SCIN: variants seen among roughly 807,000 people sequenced by gnomAD.
SCIN encodes adseverin.
In SCIN, 91 loss-of-function variants were observed where a neutral mutation model predicts 91.8. The observed-to-expected ratio is 0.99, with a 90% CI of 0.84 to 1.18. The LOEUF (loss-of-function observed/expected upper bound fraction) is 1.18, where lower values mean the gene tolerates loss of function less well. Ranked by LOEUF, SCIN falls within the 50% of genes most tolerant of loss-of-function variation. The pLI is 0.00. For missense variants in SCIN, 1,087 were observed against 863.9 expected, an observed-to-expected ratio of 1.26 and a Z score of -3.24; for synonymous variants, 367 against 312.6, an observed-to-expected ratio of 1.17 and a Z score of -1.84.
rs1042458391 is a variant in SCIN, at chr7:12,655,906, A to G, written c.*3191A>G. The G allele has an allele frequency of 5.3e-5, 8 of 152,174 alleles. No individual in the cohort carries two copies. The highest frequency in any genetic ancestry group is 1.2e-4 in the African/African-American group (5 of 41,434). The allele number at this position is 152,174 out of a possible 1,614,324, so 9.4% of individuals were successfully genotyped here. A position where few individuals can be genotyped will look rare whatever the true frequency, so the allele number is the denominator to read the frequency against. ...AAGAACAGAAAGACCCAGGAAGCCT[A>G]CTGTTAGTAGAGGTCAGCCTCATCT... On this transcript the variant is annotated 3_prime_UTR_variant, in exon 16 of 16. Transcript: ENST00000297029.
At chr7:12,638,706 T>C (rs1783800510) in intron 10 of SCIN, among the ~76,000 whole-genome samples, 1 of 152,186 alleles carries the variant, frequency 6.6e-6, no homozygotes, top group Non-Finnish European at 1.5e-5. Context: ...TTCCAGCTGG[T>C]CTCCTTTCCA....
chr7:12,657,569 TATA>T lies in SCIN; in HGVS notation c.*4855_*4857del, dbSNP rs1398717708. ...ATATATATATATATATATATATATA[TATA>T]TTTTTTTTTTTTTTTTTTTTTTTTT... On this transcript the variant is annotated 3_prime_UTR_variant, in exon 16 of 16. Transcript: ENST00000297029. The T allele has an allele frequency of 1.5e-3, 40 of 25,946 alleles. No individual in the cohort carries two copies. The highest frequency in any genetic ancestry group is 3.0e-3 in the African/African-American group (19 of 6,280). The allele number at this position is 25,946 out of a possible 1,614,324, so 1.6% of individuals were successfully genotyped here.
intron 14 of SCIN, among the ~76,000 whole-genome samples, chr7:12,650,788 C>A (rs1784063656): frequency 6.6e-6 from 1 of 152,056 alleles, no homozygotes; most frequent in African/African-American, 2.4e-5. Flanking sequence ...AACATTATAG[C>A]ATTTGTACCA....
chr7:12,574,346 G>T (rs542656269), intron 1 of SCIN, among the ~76,000 whole-genome samples: 2 of 152,234 alleles, frequency 1.3e-5, no homozygotes, highest in South Asian at 4.1e-4. Context: ...CAAAATTTTA[G>T]ATTTGGCATT....
intron 4 of SCIN, 125 bp from the exon 5 acceptor site, chr7:12,622,676 G>A (rs1783432862): frequency 1.5e-6 from 1 of 676,036 alleles, no homozygotes; most frequent in Non-Finnish European, 2.5e-6. Context: ...GATGAGAAGT[G>A]TTTGAGCCTG....
chr7:12,616,029 A>ATT (rs997919634), intron 4 of SCIN, among the ~76,000 whole-genome samples: 7 of 152,122 alleles, frequency 4.6e-5, no homozygotes, highest in African/African-American at 1.7e-4. Flanking sequence ...CAGTGAAAAA[A>ATT]TACTCCTGGA....
Position 12,626,808 on chromosome 7 carries a change from C to A in SCIN, c.1197+9C>A, listed in dbSNP as rs1172265330. The stretch of plus-strand genomic sequence containing the variant: ...GTTCTGGCAAAGTGGAGGTATTTAC[C>A]TGTTTTTGTTTTTATCAAGCCCATT... On this transcript the variant is annotated intron_variant, in intron 8 of 15. Coordinates refer to ENST00000297029, the MANE Select transcript of SCIN (RefSeq NM_001112706.3). 6.3e-7 allele frequency: 1 copy of A among 1,595,764 alleles called. No individual in the cohort carries two copies. Among genetic ancestry groups the A allele is most frequent in the African/African-American group, 1.3e-5 (1 of 74,590 alleles).
intron 13 of SCIN, among the ~76,000 whole-genome samples, chr7:12,648,797 T>A (rs1365821056): frequency 6.6e-6 from 1 of 152,104 alleles, no homozygotes; most frequent in East Asian, 1.9e-4. Flanking sequence ...AAGGATGAGA[T>A]TTAGAAAATA....
At chr7:12,589,368 T>C (rs1138963) in intron 3 of SCIN, 25,120 of 151,992 alleles carry the variant, frequency 0.17, 2,646 homozygotes, top group African/African-American at 0.29. Context: ...GGAGTACAGC[T>C]GCCGGCCACC....
intron 8 of SCIN, among the ~76,000 whole-genome samples, chr7:12,628,823 T>C: frequency 6.6e-6 from 1 of 152,276 alleles, no homozygotes; most frequent in African/African-American, 2.4e-5. Context: ...GAGTGTCATG[T>C]TATTTCCACT....
chr7:12,608,606 T>C (rs374881205), intron 4 of SCIN, among the ~76,000 whole-genome samples: 4 of 152,136 alleles, frequency 2.6e-5, no homozygotes, highest in East Asian at 3.9e-4. Context: ...GCTTCCCAAG[T>C]AGCTAGGATT....
At chr7:12,617,787 G>T (rs986897940) in intron 4 of SCIN, among the ~76,000 whole-genome samples, 1 of 152,098 alleles carries the variant, frequency 6.6e-6, no homozygotes, top group Non-Finnish European at 1.5e-5. Flanking sequence ...GCTCCAATCA[G>T]AATAAATAAA....
intron 10 of SCIN, among the ~76,000 whole-genome samples, chr7:12,637,836 C>G (rs1043910596): frequency 2.4e-5 from 3 of 125,674 alleles, no homozygotes; most frequent in Admixed American, 1.9e-4. Flanking sequence ...TCTAACTTAT[C>G]TATCTTAGCT....
chr7:12,592,460 T>C (rs11764374), intron 3 of SCIN, among the ~76,000 whole-genome samples: 54,026 of 151,516 alleles, frequency 0.36, 11,123 homozygotes, highest in East Asian at 0.7. Flanking sequence ...TTGAGGAACA[T>C]TGGGAAATTT....
chr7:12,601,295 C>T (rs1562607680), intron 3 of SCIN, among the ~76,000 whole-genome samples: 1 of 152,130 alleles, frequency 6.6e-6, no homozygotes, highest in African/African-American at 2.4e-5. Flanking sequence ...TTTAGTCACT[C>T]AGTAAACCAT....
intron 7 of SCIN, 115 bp from the exon 8 acceptor site, chr7:12,626,469 G>C (rs752027635): frequency 3.5e-4 from 285 of 818,204 alleles, no homozygotes; most frequent in Admixed American, 1.1e-3. Flanking sequence ...ATATGAGCTT[G>C]ATAGCTAAAC....
intron 3 of SCIN, among the ~76,000 whole-genome samples, chr7:12,582,887 C>G (rs1782517104): frequency 6.6e-6 from 1 of 152,186 alleles, no homozygotes; most frequent in Admixed American, 6.5e-5. Flanking sequence ...CAACTTTCAT[C>G]TCCACCACTT....
intron 9 of SCIN, among the ~76,000 whole-genome samples, chr7:12,633,727 GAACT>G (rs112127754): frequency 6.6e-5 from 10 of 152,306 alleles, no homozygotes; most frequent in African/African-American, 2.4e-4. Context: ...CTGGAAGCGA[GAACT>G]CAGGAAACCA....
chr7:12,596,559 C>T, intron 3 of SCIN: 3 of 416,658 alleles, frequency 7.2e-6, no homozygotes, highest in Non-Finnish European at 1.4e-5. Context: ...TCCTGCCCCA[C>T]TCATGCCTGC....
Sources: allele counts gnomAD v4.1 joint callset (sites outside exome capture counted in the v4.1 genomes callset), GRCh38; gene constraint gnomAD v4.1.1; transcripts MANE v1.5; gene names NCBI Gene and HGNC (gene_info 2026-07-23, HGNC 2026-07-21).